Variants in RPUSD1 observed in about 807,000 individuals in gnomAD.
RPUSD1 encodes pseudouridylate synthase RPUSD1.
A neutral mutation model predicts 22.4 loss-of-function variants in RPUSD1; 28 were observed. The ratio of observed to expected loss-of-function variants is 1.25; its 90% CI spans 0.93 to 1.72. The LOEUF (loss-of-function observed/expected upper bound fraction) is 1.72. Among genes scored for constraint, RPUSD1 ranks in the 40% most tolerant of loss-of-function variants. RPUSD1 has a pLI of 0.00. For missense variants in RPUSD1, 596 were observed against 442.2 expected (o/e 1.35, Z -3.12); for synonymous variants, 298 against 201.0 (o/e 1.48, Z -4.08).
In RPUSD1 at chr16:787,647, T is replaced by C; in HGVS notation, c.91A>G (p.Ser31Gly). 6.2e-7 allele frequency: 1 copy of C among 1,612,382 alleles called. No homozygotes were observed. The highest frequency in any genetic ancestry group is 8.5e-7 in the Non-Finnish European group (1 of 1,179,966). ...GTCAGAGTCTCCCGCCACGCCTTGC[T>C]GTCAATGCGAACGTCCCAGTGCTTG... Reference protein sequence around the residue: ...VNKHWDVRIDSKAWRETLTLQ... With the variant: ...VNKHWDVRIDGKAWRETLTLQ... The change falls in exon 2 of 6, where the codon AGC becomes GGC. Residue 31 changes from serine (S) to glycine (G), a missense_variant. Transcript: ENST00000007264.
At chr16:787,821 CGCCCCACCCGGG>C in intron 1 of RPUSD1, 77 bp from the exon 2 acceptor site, 6 of 1,474,960 alleles carry the variant, frequency 4.1e-6, no homozygotes, top group Non-Finnish European at 5.5e-6. Flanking sequence ...GTACCCGCAC[CGCCCCACCCGGG>C]CTCCGGTGCG....
In RPUSD1 at chr16:786,827, CCGTGAG is replaced by C. The variant is rs754255316; in HGVS notation, c.505_510del (p.Leu169_Thr170del). 1 of 1,612,204 alleles carries C rather than the reference CCGTGAG, an allele frequency of 6.2e-7. No individual in the cohort carries two copies. Among genetic ancestry groups the C allele is most frequent in the East Asian group, 2.2e-5 (1 of 44,880 alleles). On this transcript the variant is annotated inframe_deletion and splice_region_variant, in exon 5 of 6. Transcript: ENST00000007264. ...AGGACACCGCCCACCCCAGACACAC[CCGTGAG>C]CGGCTTCAGCAGCACTTTGGAGACA...
chr16:786,558 T>C, intron 5 of RPUSD1, 181 bp from the exon 6 acceptor site: 1 of 767,442 alleles, frequency 1.3e-6, no homozygotes, highest in South Asian at 1.5e-5. Flanking sequence ...GAAGATTGTG[T>C]TCAGGTCACC....
At position 786,885 on chromosome 16, in the gene RPUSD1, C is replaced by T; in HGVS notation, c.453G>A (p.Leu151=). The change falls in exon 5 of 6, where the codon CTG becomes CTA. Residue 151 remains leucine, a synonymous_variant. Coordinates refer to ENST00000007264, the MANE Select transcript of RPUSD1 (RefSeq NM_058192.3). ...PKPSLTDLVV[L]EHGLYAGDPV... ...GATCGCCTGCGTACAGCCCGTGTTC[C>T]AGAACCACGAGATCTGTGAGGCTTG... 1 of 1,613,396 alleles carries T rather than the reference C, an allele frequency of 6.2e-7. No homozygotes were observed. Among genetic ancestry groups the T allele is most frequent in the South Asian group, 1.1e-5 (1 of 91,072 alleles).
Position 787,379 on chromosome 16 carries a change from C to T in RPUSD1, c.281G>A (p.Arg94His). Residue 94 changes from arginine to histidine, a missense_variant, in exon 3 of 6, where the codon CGC becomes CAC. By Grantham distance (29) the Arg-to-His change is conservative. Transcript: ENST00000007264. ...CAATGCCAGGTAAGCCTTGGTCACG[C>T]GCCGCTCCTTGAAGCACCTGTACGC... ...GSAYRCFKERRVTKAYLALLR... is the reference protein window; with the variant it reads ...GSAYRCFKERHVTKAYLALLR... 7 of 1,589,864 alleles carry T rather than the reference C, an allele frequency of 4.4e-6. No individual in the cohort carries two copies. Among genetic ancestry groups the T allele is most frequent in the Non-Finnish European group, 4.3e-6 (5 of 1,168,652 alleles).
intron 1 of RPUSD1, 94 bp from the exon 2 acceptor site, chr16:787,838 G>T: frequency 7.3e-7 from 1 of 1,368,582 alleles, no homozygotes; most frequent in Non-Finnish European, 1.0e-6. Context: ...CCCGGGCTCC[G>T]GTGCGAAGCC....
chr16:786,051 C>T lies in RPUSD1; in HGVS notation c.838G>A (p.Gly280Ser), dbSNP rs1282405747. ...TTGGTTGGGGGTGGAGGAGGCCGGC[C>T]GGGCCCAGGCAGGAGTGCGGAGGGG... Reference protein sequence around the residue: ...GSPSALLPGPGRPPPPPTKPP... With the variant: ...GSPSALLPGPSRPPPPPTKPP... Residue 280 changes from glycine to serine, a missense_variant, in exon 6 of 6, where the codon GGC (glycine) becomes AGC (serine). Gly to Ser is a moderately conservative substitution (Grantham distance 56). Coordinates refer to ENST00000007264, the MANE Select transcript of RPUSD1 (RefSeq NM_058192.3). The T allele has an allele frequency of 1.2e-5, 18 of 1,525,468 alleles. No individual in the cohort carries two copies. Among genetic ancestry groups the T allele is most frequent in the East Asian group, 9.2e-5 (4 of 43,670 alleles). The allele number at this position is 1,525,468 out of a possible 1,614,324, so 94.5% of individuals were successfully genotyped here.
intron 1 of RPUSD1, 132 bp from the exon 2 acceptor site, chr16:787,876 G>T: frequency 1.2e-6 from 1 of 822,130 alleles, no homozygotes. Context: ...GCCCTACTGT[G>T]CACCTGCATC....
intron 5 of RPUSD1, 185 bp from the exon 6 acceptor site, chr16:786,562 G>C (rs527278884): frequency 1.3e-6 from 1 of 757,178 alleles, no homozygotes; most frequent in Non-Finnish European, 2.3e-6. Context: ...ATTGTGTTCA[G>C]GTCACCACTG....
chr16:787,388 T>C lies in RPUSD1; in HGVS notation c.272A>G (p.Lys91Arg), dbSNP rs765968902. The change falls in exon 3 of 6, where the codon AAG (lysine) becomes AGG (arginine). Residue 91 changes from lysine to arginine, a missense_variant. Lys to Arg is a conservative substitution (Grantham distance 26). Transcript: ENST00000007264. ...AAAGSAYRCF[K>R]ERRVTKAYLA... ...GTAAGCCTTGGTCACGCGCCGCTCC[T>C]TGAAGCACCTGTACGCGCTGCCGGC... 13 of 1,591,104 alleles carry C rather than the reference T, an allele frequency of 8.2e-6. No individual in the cohort carries two copies. The highest frequency in any genetic ancestry group is 1.1e-5 in the Non-Finnish European group (13 of 1,169,186).
Position 788,346 on chromosome 16 carries a change from G to A in RPUSD1, c.-98C>T, listed in dbSNP as rs1484577622. 5 of 200,076 alleles carry A rather than the reference G, an allele frequency of 2.5e-5. No homozygotes were observed. The highest frequency in any genetic ancestry group is 4.8e-5 in the African/African-American group (2 of 41,396). The allele number at this position is 200,076 out of a possible 1,614,324, so 12.4% of individuals were successfully genotyped here. A position where few individuals can be genotyped will look rare whatever the true frequency, so the allele number is the denominator to read the frequency against. ...CGCGCGCTGGCGACCCAGAGACCCT[G>A]GAAGCTCCGCTCCGGACGCCTGGCA... On this transcript the variant is annotated 5_prime_UTR_variant, in exon 1 of 6. Coordinates refer to ENST00000007264, the MANE Select transcript of RPUSD1 (RefSeq NM_058192.3).
Position 788,086 on chromosome 16 carries a change from G to A in RPUSD1, c.-8+170C>T, listed in dbSNP as rs1269486686. On this transcript the variant is annotated intron_variant, in intron 1 of 5. Coordinates refer to ENST00000007264, the MANE Select transcript of RPUSD1 (RefSeq NM_058192.3). The stretch of plus-strand genomic sequence containing the variant: ...TCTGCCCGACGGTGGGGGCGGGGAG[G>A]GGCTGCAGCACTACCAGGCCCGGCA... The A allele has an allele frequency of 8.2e-6, 4 of 485,302 alleles. No homozygotes were observed. The Admixed American group carries it at 1.1e-4, about 13-fold the overall frequency. The allele number at this position is 485,302 out of a possible 1,614,324, so 30.1% of individuals were successfully genotyped here.
chr16:787,824 C>T lies in RPUSD1; in HGVS notation c.-7-80G>A. 3 of 1,460,168 alleles carry T rather than the reference C, an allele frequency of 2.1e-6. No individual in the cohort carries two copies. The South Asian group carries it at 3.7e-5, about 18-fold the overall frequency. The allele number at this position is 1,460,168 out of a possible 1,614,324, so 90.5% of individuals were successfully genotyped here. A position where few individuals can be genotyped will look rare whatever the true frequency, so the allele number is the denominator to read the frequency against. On this transcript the variant is annotated intron_variant, in intron 1 of 5. Coordinates refer to ENST00000007264, the MANE Select transcript of RPUSD1 (RefSeq NM_058192.3). The stretch of plus-strand genomic sequence containing the variant: ...CAGCATACAGAGGTACCCGCACCGC[C>T]CCACCCGGGCTCCGGTGCGAAGCCA...
chr16:785,918 A>G lies in RPUSD1; in HGVS notation c.*32T>C. On this transcript the variant is annotated 3_prime_UTR_variant, in exon 6 of 6. Coordinates refer to ENST00000007264, the MANE Select transcript of RPUSD1 (RefSeq NM_058192.3). ...CCATCTCCCTAGAGTCCCGCTGTGC[A>G]GCTGACACCCCCTGCCCCAGCCCCA... 1 of 1,419,326 alleles carries G rather than the reference A, an allele frequency of 7.0e-7. No individual in the cohort carries two copies. Among genetic ancestry groups the G allele is most frequent in the Non-Finnish European group, 9.2e-7 (1 of 1,087,604 alleles). 87.9% of individuals were successfully genotyped at this position (1,419,326 alleles called of 1,614,324 possible). A position where few individuals can be genotyped will look rare whatever the true frequency, so the allele number is the denominator to read the frequency against.
At chr16:788,063 T>C (rs1285741801) in intron 1 of RPUSD1, 193 bp downstream of exon 1, 1 of 492,612 alleles carries the variant, frequency 2.0e-6, no homozygotes, top group Non-Finnish European at 3.8e-6. Flanking sequence ...TGAATGCCTC[T>C]GCCCGACGGT....
intron 3 of RPUSD1, 41 bp downstream of exon 3, chr16:787,313 C>T (rs370138876): frequency 1.3e-6 from 2 of 1,557,012 alleles, no homozygotes; most frequent in Non-Finnish European, 1.7e-6. Context: ...GGTGGGAATC[C>T]TGAGTCCCCA....
At chr16:786,598 C>T (rs550860900) in intron 5 of RPUSD1, 14 of 739,430 alleles carry the variant, frequency 1.9e-5, no homozygotes, top group Middle Eastern at 4.5e-4. Flanking sequence ...GGGTGGTGCT[C>T]GGTCCTGGAG....
chr16:787,003 G>A (rs951829502), intron 4 of RPUSD1, 74 bp downstream of exon 4: 70 of 1,561,706 alleles, frequency 4.5e-5, no homozygotes, highest in Non-Finnish European at 5.5e-5. Flanking sequence ...CACGATGCCC[G>A]CCCGGTGGGT....
chr16:788,111 A>G (rs1305387034), intron 1 of RPUSD1, 145 bp downstream of exon 1: 1 of 471,068 alleles, frequency 2.1e-6, no homozygotes, highest in Non-Finnish European at 4.1e-6. Context: ...CAGGCCCGGC[A>G]GCCAGGTCTG....
Sources: gnomAD v4.1 joint callset for allele counts on GRCh38, gnomAD v4.1.1 for gene constraint, MANE v1.5 for transcripts, NCBI Gene and HGNC (gene_info 2026-07-23, HGNC 2026-07-21) for gene names.